KCNJ6: variants seen among roughly 807,000 people sequenced by gnomAD.
The protein encoded by KCNJ6 is G protein-activated inward rectifier potassium channel 2.
KCNJ6 carries 9 observed loss-of-function variants against 34.2 expected under a neutral mutation model. The observed-to-expected ratio is 0.26, with a 90% CI of 0.16 to 0.46. KCNJ6 has a LOEUF of 0.46. Ranked by LOEUF, KCNJ6 falls within the 20% of genes least tolerant of loss-of-function variation. The pLI, the probability that KCNJ6 is intolerant of heterozygous loss-of-function variation, is 1.00. For missense variants in KCNJ6, 236 were observed against 531.3 expected, an observed-to-expected ratio of 0.44 and a Z score of 5.46; for synonymous variants, 196 against 207.1, an observed-to-expected ratio of 0.95 and a Z score of 0.46.
chr21:37,713,186 A>G (rs2054771544), intron 3 of KCNJ6, among the ~76,000 whole-genome samples: 1 of 152,140 alleles, frequency 6.6e-6, no homozygotes, highest in African/African-American at 2.4e-5. Context: ...GTTACTTGTC[A>G]CAGGTTGATG....
At chr21:37,782,535 GTTCCCCCGTGTGGCT>G (rs1260943460) in intron 2 of KCNJ6, among the ~76,000 whole-genome samples, 1 of 152,110 alleles carries the variant, frequency 6.6e-6, no homozygotes, top group Non-Finnish European at 1.5e-5. Context: ...CCTGGGGCTG[GTTCCCCCGTGTGGCT>G]TTCCTCCTTC....
intron 2 of KCNJ6, among the ~76,000 whole-genome samples, chr21:37,749,414 G>A: frequency 6.6e-6 from 1 of 152,264 alleles, no homozygotes; most frequent in Non-Finnish European, 1.5e-5. Flanking sequence ...ACAGAATGGG[G>A]CACCATGCAG....
At chr21:37,859,504 TATATATATATATATATATATATATATAA>T (rs1189239305) in intron 1 of KCNJ6, among the ~76,000 whole-genome samples, 16 of 28,480 alleles carry the variant, frequency 5.6e-4, no homozygotes, top group African/African-American at 1.2e-3. Context: ...TATATATATA[TATATATATATATATATATATATATATAA>T]AATACTTAAA....
chr21:37,728,341 G>A (rs549769922), intron 2 of KCNJ6, among the ~76,000 whole-genome samples: 4 of 152,304 alleles, frequency 2.6e-5, no homozygotes, highest in African/African-American at 9.6e-5. Context: ...GACAGTTTCT[G>A]TTTGGGAAGA....
chr21:37,687,840 A>G (rs1475030673), intron 3 of KCNJ6, among the ~76,000 whole-genome samples: 1 of 152,086 alleles, frequency 6.6e-6, no homozygotes, highest in East Asian at 1.9e-4. Context: ...CTGTGATTGC[A>G]TTTCTCCCCT....
At chr21:37,656,801 G>A (rs767049243) in intron 3 of KCNJ6, among the ~76,000 whole-genome samples, 43 of 152,182 alleles carry the variant, frequency 2.8e-4, no homozygotes, top group Admixed American at 1.0e-3. Context: ...CTCTTCTCTG[G>A]GGAGGGGAGG....
At position 37,657,988 on chromosome 21, in the gene KCNJ6, G is replaced by T. The variant is rs151026167; in HGVS notation, c.947-32504C>A. 1.9e-3 allele frequency among the ~76,000 whole-genome samples: 291 copies of T among 152,322 alleles called. 2 individuals carry two copies. Among genetic ancestry groups the T allele is most frequent in the African/African-American group, 6.7e-3 (277 of 41,574 alleles). ...TTTCCTTGCCTTGCCTTGCAGGGCT[G>T]GTCTTAGGCTTCAAGATTCATTTTT... On this transcript the variant is annotated intron_variant, in intron 3 of 3. Transcript: ENST00000609713.
chr21:37,619,750 A>G lies in KCNJ6; in HGVS notation c.*5409T>C, dbSNP rs1315002017. 4 of 152,244 alleles carry G rather than the reference A, an allele frequency of 2.6e-5. No homozygotes were observed. Among genetic ancestry groups the G allele is most frequent in the Admixed American group, 2.6e-4 (4 of 15,284 alleles). 9.4% of individuals were successfully genotyped at this position (152,244 alleles called of 1,614,324 possible). On this transcript the variant is annotated 3_prime_UTR_variant, in exon 4 of 4. Transcript: ENST00000609713. ...ACTGCAGGTCTGGGCTGCTTTGCTG[A>G]GCAGAGACTGGCAGCCTGAGCTATG...
At position 37,691,274 on chromosome 21, in the gene KCNJ6, C is replaced by G. The variant is rs1488433252; in HGVS notation, c.946+22937G>C. ...ACCCCTAGGCTCAGGTGTAGGGGGG[C>G]CTCTGTCAGGACCTCTAAGGATTCC... On this transcript the variant is annotated intron_variant, in intron 3 of 3. Coordinates refer to ENST00000609713, the MANE Select transcript of KCNJ6 (RefSeq NM_002240.5). Among the ~76,000 whole-genome samples, 4 of 152,278 alleles carry G rather than the reference C, an allele frequency of 2.6e-5. No homozygotes were observed. In the East Asian group the frequency reaches 7.7e-4, roughly 29 times the overall value.
intron 1 of KCNJ6, among the ~76,000 whole-genome samples, chr21:37,882,307 A>G (rs113993440): frequency 0.013 from 2,036 of 152,302 alleles, 36 homozygotes; most frequent in African/African-American, 0.047. Context: ...GAATCCACAC[A>G]ACAGGCTTGG....
At position 37,776,637 on chromosome 21, in the gene KCNJ6, A is replaced by G. The variant is rs1291017559; in HGVS notation, c.26-61506T>C. Among the ~76,000 whole-genome samples, 4 of 152,182 alleles carry G rather than the reference A, an allele frequency of 2.6e-5. No individual in the cohort carries two copies. The South Asian group carries it at 6.2e-4, about 24-fold the overall frequency. ...GGTTTTTGTCATTGGTTCTGTTTAT[A>G]TGCTGGATTACGTTCATTGATTGCA... On this transcript the variant is annotated intron_variant, in intron 2 of 3. Coordinates refer to ENST00000609713, the MANE Select transcript of KCNJ6 (RefSeq NM_002240.5).
At chr21:37,676,408 G>A (rs914601559) in intron 3 of KCNJ6, among the ~76,000 whole-genome samples, 9 of 152,184 alleles carry the variant, frequency 5.9e-5, no homozygotes, top group African/African-American at 1.4e-4. Flanking sequence ...GAACTCTGCC[G>A]CCAGCCAACA....
At chr21:37,871,990 A>G (rs1412714906) in intron 1 of KCNJ6, among the ~76,000 whole-genome samples, 1 of 152,248 alleles carries the variant, frequency 6.6e-6, no homozygotes, top group African/African-American at 2.4e-5. Context: ...AATGAGAAGC[A>G]AATTTCCCAG....
chr21:37,647,811 A>C (rs1709838), intron 3 of KCNJ6, among the ~76,000 whole-genome samples: 89,697 of 151,970 alleles, frequency 0.59, 26,671 homozygotes, highest in South Asian at 0.67. Flanking sequence ...TCTGCCCCCC[A>C]ATGACATGGT....
At chr21:37,726,420 GA>G (rs1385384918) in intron 2 of KCNJ6, among the ~76,000 whole-genome samples, 1 of 152,092 alleles carries the variant, frequency 6.6e-6, no homozygotes, top group African/African-American at 2.4e-5. Flanking sequence ...TCAGGCCCTG[GA>G]AAAAGCACGT....
At chr21:37,876,042 T>C (rs995621910) in intron 1 of KCNJ6, among the ~76,000 whole-genome samples, 1 of 152,212 alleles carries the variant, frequency 6.6e-6, no homozygotes, top group African/African-American at 2.4e-5. Flanking sequence ...TTGTGGGGCC[T>C]AGTGTAAAAC....
intron 3 of KCNJ6, among the ~76,000 whole-genome samples, chr21:37,701,615 C>G (rs1426344527): frequency 6.6e-6 from 1 of 152,168 alleles, no homozygotes; most frequent in Non-Finnish European, 1.5e-5. Context: ...ACAGAGCTTA[C>G]ATTCTAATTG....
intron 3 of KCNJ6, among the ~76,000 whole-genome samples, chr21:37,691,633 C>A (rs149472303): frequency 1.3e-5 from 2 of 152,296 alleles, no homozygotes; most frequent in African/African-American, 2.4e-5. Flanking sequence ...AGCCACTGCT[C>A]AGTGATTACG....
chr21:37,689,671 A>G (rs905910150), intron 3 of KCNJ6, among the ~76,000 whole-genome samples: 2 of 152,126 alleles, frequency 1.3e-5, no homozygotes, highest in Non-Finnish European at 2.9e-5. Context: ...GAAGAAACCA[A>G]TTACCACTGA....
Sources: allele counts gnomAD v4.1 joint callset (sites outside exome capture counted in the v4.1 genomes callset), GRCh38; gene constraint gnomAD v4.1.1; transcripts MANE v1.5; gene names NCBI Gene and HGNC (gene_info 2026-07-23, HGNC 2026-07-21).